Variants in SLC41A3 observed in about 807,000 individuals in gnomAD.
The protein encoded by SLC41A3 is SLC41A1-like 2.
SLC41A3 carries 44 observed loss-of-function variants against 45.4 expected under a neutral mutation model. That is an observed-to-expected ratio of 0.97 (90% CI 0.76 to 1.25). SLC41A3 has a LOEUF of 1.25. SLC41A3 is among the 50% of genes most tolerant of loss of function. The pLI, the probability that SLC41A3 is intolerant of heterozygous loss-of-function variation, is 0.00. For synonymous variants in SLC41A3, 256 were observed against 252.4 expected (o/e 1.01, Z -0.13); for missense variants, 550 against 600.6 (o/e 0.92, Z 0.88).
chr3:126,044,458 G>T (rs1942808701), intron 3 of SLC41A3, among the ~76,000 whole-genome samples: 1 of 152,006 alleles, frequency 6.6e-6, no homozygotes, highest in South Asian at 2.1e-4. Flanking sequence ...GAACTGACTG[G>T]ACCTAAAAGA....
chr3:126,092,383 TTTCCCATAAGGGATA>T (rs1334631669), intron 1 of SLC41A3, among the ~76,000 whole-genome samples: 7 of 152,262 alleles, frequency 4.6e-5, no homozygotes, highest in South Asian at 2.1e-4. Flanking sequence ...CATCCCTTCA[TTTCCCATAAGGGATA>T]CTTTTAGTTA....
At chr3:126,016,928 C>T (rs1940357394) in intron 6 of SLC41A3, 53 bp from the exon 7 acceptor site, 1 of 1,591,776 alleles carries the variant, frequency 6.3e-7, no homozygotes, top group Admixed American at 1.8e-5. Context: ...CCAGCACACA[C>T]AGGCTGGGCC....
At chr3:126,052,912 C>T (rs1943429930) in intron 2 of SLC41A3, among the ~76,000 whole-genome samples, 1 of 152,228 alleles carries the variant, frequency 6.6e-6, no homozygotes, top group South Asian at 2.1e-4. Context: ...AGACACCCCA[C>T]CTGCTCCATG....
chr3:126,057,002 C>T, intron 2 of SLC41A3: 1 of 1,025,074 alleles, frequency 9.8e-7, no homozygotes, highest in Non-Finnish European at 1.2e-6. Flanking sequence ...TGAGTGCCCA[C>T]ACGGAGGTCT....
intron 3 of SLC41A3, among the ~76,000 whole-genome samples, chr3:126,043,801 T>A: frequency 8.8e-6 from 1 of 113,962 alleles, no homozygotes. Context: ...AACATATCAC[T>A]GCAAAAAAAA....
At chr3:126,043,821 CAAAA>C (rs1413035996) in intron 3 of SLC41A3, among the ~76,000 whole-genome samples, 7 of 74,884 alleles carry the variant, frequency 9.3e-5, no homozygotes, top group African/African-American at 2.2e-4. Flanking sequence ...AACAAAAAAA[CAAAA>C]AAACAAAAAA....
intron 8 of SLC41A3, among the ~76,000 whole-genome samples, chr3:126,013,249 AATGAAG>A (rs1219443673): frequency 6.6e-6 from 1 of 151,628 alleles, no homozygotes; most frequent in Non-Finnish European, 1.5e-5. Flanking sequence ...AGAGAGGAGG[AATGAAG>A]ACAGTGGATA....
intron 9 of SLC41A3, 22 bp from the exon 10 acceptor site, chr3:126,008,902 AGGTCAT>A: frequency 1.9e-6 from 3 of 1,612,522 alleles, no homozygotes; most frequent in Non-Finnish European, 2.5e-6. Context: ...AGAACCAAGA[AGGTCAT>A]GTGACCTGAA....
At chr3:126,073,573 G>A (rs1944732430) in intron 1 of SLC41A3, among the ~76,000 whole-genome samples, 1 of 152,004 alleles carries the variant, frequency 6.6e-6, no homozygotes, top group Non-Finnish European at 1.5e-5. Flanking sequence ...ATGTACCCCT[G>A]AACCTAAACG....
intron 4 of SLC41A3, among the ~76,000 whole-genome samples, chr3:126,029,371 C>CCA (rs1553728706): frequency 6.6e-6 from 1 of 151,288 alleles, no homozygotes; most frequent in Non-Finnish European, 1.5e-5. Context: ...GGCACTCCCT[C>CCA]CCCCACCACT....
intron 4 of SLC41A3, among the ~76,000 whole-genome samples, chr3:126,033,365 T>C (rs1377852434): frequency 6.8e-6 from 1 of 146,368 alleles, no homozygotes; most frequent in Non-Finnish European, 1.5e-5. Flanking sequence ...TTTCAAGAAG[T>C]GGGGCTTGGA....
intron 1 of SLC41A3, among the ~76,000 whole-genome samples, chr3:126,098,053 A>T (rs1945637943): frequency 6.6e-6 from 1 of 152,236 alleles, no homozygotes; most frequent in South Asian, 2.1e-4. Context: ...TTTCAGTGGA[A>T]ACTAAAGATA....
At chr3:126,060,808 C>T (rs1338436683) in intron 2 of SLC41A3, among the ~76,000 whole-genome samples, 2 of 152,154 alleles carry the variant, frequency 1.3e-5, no homozygotes, top group South Asian at 2.1e-4. Context: ...AAGCCGGGTC[C>T]AGCGGTTTCT....
Position 126,016,776 on chromosome 3 carries a change from AG to A in SLC41A3, c.844del (p.Leu282Ter). On this transcript the variant is annotated frameshift_variant, in exon 7 of 11. Transcript: ENST00000360370. LOFTEE classifies it high-confidence loss of function. The part of the protein sequence containing the change: ...AKQSPPIVKI[L>X]KFGWFPIILA... ...GATGATTGGGAACCAGCCAAACTTCAGGATCTTCACGATGGGTGGGCTCTGC... is the reference window on the plus strand; with the variant it reads ...GATGATTGGGAACCAGCCAAACTTCAGATCTTCACGATGGGTGGGCTCTGC... The A allele has an allele frequency of 6.2e-7, 1 of 1,612,692 alleles. No individual in the cohort carries two copies. Among genetic ancestry groups the A allele is most frequent in the South Asian group, 1.1e-5 (1 of 90,698 alleles).
intron 4 of SLC41A3, among the ~76,000 whole-genome samples, chr3:126,031,022 G>C (rs1941759700): frequency 6.6e-6 from 1 of 152,170 alleles, no homozygotes; most frequent in East Asian, 1.9e-4. Context: ...CATGCTCGAA[G>C]TAATTTTTAT....
chr3:126,047,150 CT>C (rs1467165415), intron 3 of SLC41A3, among the ~76,000 whole-genome samples: 10 of 152,016 alleles, frequency 6.6e-5, no homozygotes, highest in African/African-American at 2.4e-4. Context: ...ATAGCTTGAG[CT>C]CAGGAGTTTG....
At chr3:126,098,452 A>G (rs1408832289) in intron 1 of SLC41A3, among the ~76,000 whole-genome samples, 1 of 152,194 alleles carries the variant, frequency 6.6e-6, no homozygotes, top group Non-Finnish European at 1.5e-5. Context: ...GGGCCATGGT[A>G]TTTTGCAATG....
chr3:126,020,045 G>A (rs1940693938), intron 6 of SLC41A3, among the ~76,000 whole-genome samples: 1 of 152,116 alleles, frequency 6.6e-6, no homozygotes, highest in Non-Finnish European at 1.5e-5. Flanking sequence ...AAACTTGGTA[G>A]TGGCTACTAA....
In SLC41A3 at chr3:126,026,628, AG is replaced by A. The variant is rs890498021; in HGVS notation, c.454-150del. On this transcript the variant is annotated intron_variant, in intron 4 of 10. Coordinates refer to ENST00000360370, the MANE Select transcript of SLC41A3 (RefSeq NM_017836.4). This position sits in a 1 kb window ranked among gnomAD's most constrained non-coding sequence, Gnocchi z 4.2. ...CTAAAATCTCACAGGCCCTCACCCC[AG>A]GAAAAACTAATACCACACCCCACAC... is the stretch of plus-strand genomic sequence containing the variant. 4.6e-6 allele frequency: 5 copies of A among 1,079,876 alleles called. No individual in the cohort carries two copies. In the Admixed American group the frequency reaches 1.3e-4, roughly 28 times the overall value. The allele number at this position is 1,079,876 out of a possible 1,614,324, so 66.9% of individuals were successfully genotyped here.
Sources: gnomAD v4.1 joint callset for allele counts (sites outside exome capture counted in the v4.1 genomes callset) on GRCh38, gnomAD v4.1.1 for gene constraint, Gnocchi (gnomAD v3.1) non-coding constraint, MANE v1.5 for transcripts, NCBI Gene and HGNC (gene_info 2026-07-23, HGNC 2026-07-21) for gene names.